RANBP2: variants seen among roughly 807,000 people sequenced by gnomAD.
The protein encoded by RANBP2 is RAN binding protein 2.
In RANBP2, 57 loss-of-function variants were observed where a neutral mutation model predicts 303.6. That is an observed-to-expected ratio of 0.19 (90% CI 0.15 to 0.23). The LOEUF is 0.23. Ranked by LOEUF, RANBP2 falls within the 10% of genes least tolerant of loss-of-function variation. The pLI, the probability that RANBP2 is intolerant of heterozygous loss-of-function variation, is 1.00. For missense variants in RANBP2, 3,138 were observed against 3,780.8 expected, an observed-to-expected ratio of 0.83 and a Z score of 4.46; for synonymous variants, 1,167 against 1,301.5, an observed-to-expected ratio of 0.90 and a Z score of 2.23.
At chr2:109,119,514 C>A in the RANBP2 span, among the ~76,000 whole-genome samples, 4 of 152,184 alleles carry the variant, frequency 2.6e-5, no homozygotes, top group African/African-American at 9.7e-5. Context: ...TGTGATTATG[C>A]TGGAAGCTTT....
chr2:109,111,787 C>T, the RANBP2 span, among the ~76,000 whole-genome samples: 1 of 142,668 alleles, frequency 7.0e-6, no homozygotes, highest in Non-Finnish European at 1.5e-5. Flanking sequence ...CCCCCCTCCC[C>T]CCATCCCACC....
the RANBP2 span, among the ~76,000 whole-genome samples, chr2:108,840,925 C>T: frequency 4.6e-5 from 7 of 152,172 alleles, no homozygotes; most frequent in Admixed American, 2.6e-4. Flanking sequence ...GATTCTCCTG[C>T]ATCAGCCTCC....
the RANBP2 span, among the ~76,000 whole-genome samples, chr2:108,841,430 TA>T: frequency 6.6e-6 from 1 of 152,186 alleles, no homozygotes; most frequent in Admixed American, 6.5e-5. Flanking sequence ...ACATATTTTG[TA>T]ACTGTGTTCT....
the RANBP2 span, among the ~76,000 whole-genome samples, chr2:109,280,621 C>T: frequency 6.6e-6 from 1 of 152,248 alleles, no homozygotes; most frequent in Non-Finnish European, 1.5e-5. Context: ...AAACAATCTA[C>T]ACTAATAGAT....
the RANBP2 span, among the ~76,000 whole-genome samples, chr2:108,905,062 AAAC>A: frequency 6.6e-6 from 1 of 152,202 alleles, no homozygotes; most frequent in African/African-American, 2.4e-5. Flanking sequence ...ACAAAACAAA[AAAC>A]AAAGAGACAC....
At chr2:109,070,620 G>A in the RANBP2 span, among the ~76,000 whole-genome samples, 2 of 152,196 alleles carry the variant, frequency 1.3e-5, no homozygotes, top group African/African-American at 2.4e-5. Flanking sequence ...AGCACTTTGG[G>A]AGGTAAAGGC....
the RANBP2 span, among the ~76,000 whole-genome samples, chr2:109,464,034 A>G: frequency 1.3e-5 from 2 of 152,190 alleles, no homozygotes; most frequent in South Asian, 4.1e-4. Context: ...ATAGCTCTAG[A>G]AAGGAGAACA....
the RANBP2 span, among the ~76,000 whole-genome samples, chr2:109,495,477 C>CTTTTTTTTTTTTTTTTTTTT: frequency 1.1e-5 from 1 of 94,240 alleles, no homozygotes; most frequent in African/African-American, 4.6e-5. Context: ...TCTTTCATTC[C>CTTTTTTTTTTTTTTTTTTTT]TTTTTTTTTT....
chr2:109,621,172 G>T, the RANBP2 span, among the ~76,000 whole-genome samples: 1 of 152,104 alleles, frequency 6.6e-6, no homozygotes, highest in Non-Finnish European at 1.5e-5. Context: ...TTTTCTTTTT[G>T]AGATGGAGTC....
chr2:108,788,861 A>T (rs754478994), downstream of RANBP2: 123 of 1,613,964 alleles, frequency 7.6e-5, 1 homozygote, highest in Admixed American at 2.2e-4. Context: ...GGTGATTTGG[A>T]TATCTACTCT....
the RANBP2 span, chr2:109,490,732 C>A: frequency 6.5e-7 from 1 of 1,536,026 alleles, no homozygotes; most frequent in African/African-American, 1.4e-5. Context: ...CTCCAAGGTG[C>A]AGTGGGCCCC....
At chr2:109,351,244 G>A in the RANBP2 span, among the ~76,000 whole-genome samples, 1 of 152,312 alleles carries the variant, frequency 6.6e-6, no homozygotes, top group Admixed American at 6.5e-5. Flanking sequence ...AGTCACCCGG[G>A]AGGGGCTGGC....
chr2:109,638,489 T>A, the RANBP2 span, among the ~76,000 whole-genome samples: 1 of 152,126 alleles, frequency 6.6e-6, no homozygotes, highest in Non-Finnish European at 1.5e-5. Flanking sequence ...GAAGGTGAGC[T>A]CCAAAGTGGA....
the RANBP2 span, among the ~76,000 whole-genome samples, chr2:109,322,264 T>G: frequency 2.0e-5 from 3 of 152,184 alleles, no homozygotes; most frequent in Non-Finnish European, 4.4e-5. Context: ...TATTTTGCAT[T>G]TCCTGTTGAA....
the RANBP2 span, among the ~76,000 whole-genome samples, chr2:109,315,289 A>C: frequency 1.3e-5 from 2 of 152,182 alleles, no homozygotes; most frequent in Non-Finnish European, 2.9e-5. Context: ...CCAGCAATTT[A>C]ATAGGGCCCT....
At chr2:109,547,300 C>A in the RANBP2 span, among the ~76,000 whole-genome samples, 1 of 151,328 alleles carries the variant, frequency 6.6e-6, no homozygotes, top group Admixed American at 6.6e-5. Context: ...AGAATGCAGT[C>A]GCCTCTTTGA....
chr2:109,514,994 C>T, the RANBP2 span, among the ~76,000 whole-genome samples: 1 of 152,048 alleles, frequency 6.6e-6, no homozygotes, highest in African/African-American at 2.4e-5. Flanking sequence ...GAGCCAACCA[C>T]ATCTGCCAAC....
the RANBP2 span, among the ~76,000 whole-genome samples, chr2:109,558,362 A>G: frequency 6.6e-6 from 1 of 152,230 alleles, no homozygotes; most frequent in South Asian, 2.1e-4. Flanking sequence ...TCAAATACTT[A>G]AACAACTCTA....
At chr2:109,251,435 A>C in the RANBP2 span, 1 of 713,960 alleles carries the variant, frequency 1.4e-6, no homozygotes, top group Non-Finnish European at 2.6e-6. Flanking sequence ...AGCAAAGCTC[A>C]CCCTCCCGAG....
Sources: gnomAD v4.1 joint callset for allele counts (sites outside exome capture counted in the v4.1 genomes callset) on GRCh38, gnomAD v4.1.1 for gene constraint, MANE v1.5 for transcripts, NCBI Gene and HGNC (gene_info 2026-07-23, HGNC 2026-07-21) for gene names.